COL27A1: variants seen among roughly 807,000 people sequenced by gnomAD.
COL27A1 encodes the protein collagen type XXVII alpha 1 chain.
A neutral mutation model predicts 251.3 loss-of-function variants in COL27A1; 106 were observed. The observed-to-expected ratio is 0.42, with a 90% confidence interval of 0.36 to 0.50. COL27A1 has a LOEUF of 0.50. Among genes scored for constraint, COL27A1 ranks in the 20% least tolerant of loss-of-function variants. COL27A1 has a pLI of 0.00. For missense variants in COL27A1, 2,325 were observed against 2,522.8 expected (o/e 0.92, Z 1.68); for synonymous variants, 1,000 against 986.3 (o/e 1.01, Z -0.26).
chr9:114,187,422 C>T (rs1828438264), intron 5 of COL27A1, among the ~76,000 whole-genome samples: 1 of 152,282 alleles, frequency 6.6e-6, no homozygotes, highest in African/African-American at 2.4e-5. Context: ...GGGCCAGGCC[C>T]CGGCCAAGAG....
chr9:114,269,872 C>G (rs139704612), intron 35 of COL27A1, among the ~76,000 whole-genome samples: 6 of 152,286 alleles, frequency 3.9e-5, no homozygotes, highest in African/African-American at 1.4e-4. Flanking sequence ...CTGCACCTGA[C>G]GGCCCCTGAG....
rs754184961 is a variant in COL27A1 at position 114,169,249 on chromosome 9, A to T, written c.1694A>T (p.Asp565Val). The T allele has an allele frequency of 5.6e-6, 9 of 1,613,642 alleles. No homozygotes were observed. Among genetic ancestry groups the T allele is most frequent in the Middle Eastern group, 1.7e-4 (1 of 6,060 alleles). ...CTCAGACCTGGGAAGGCAGCCAGGGATGTCCCCTTGAGCGATCTGACAACC... is the reference window on the plus strand; with the variant it reads ...CTCAGACCTGGGAAGGCAGCCAGGGTTGTCCCCTTGAGCGATCTGACAACC... Reference protein sequence around the residue: ...VPLRPGKAARDVPLSDLTTRP... With the variant: ...VPLRPGKAARVVPLSDLTTRP... The change falls in exon 3 of 61, where the codon GAT (aspartate) becomes GTT (valine). Residue 565 changes from aspartate to valine, a missense_variant. Physicochemically the swap from Asp to Val is radical, Grantham distance 152 (BLOSUM62 -3). Coordinates refer to ENST00000356083, the MANE Select transcript of COL27A1 (RefSeq NM_032888.4).
chr9:114,262,984 G>C (rs1834456697), intron 28 of COL27A1, among the ~76,000 whole-genome samples: 1 of 127,148 alleles, frequency 7.9e-6, no homozygotes, highest in East Asian at 2.3e-4. Context: ...TGTCGCCCAG[G>C]GTGGAGTGCA....
At chr9:114,247,277 G>A (rs1833206160) in intron 24 of COL27A1, among the ~76,000 whole-genome samples, 1 of 152,298 alleles carries the variant, frequency 6.6e-6, no homozygotes, top group African/African-American at 2.4e-5. Flanking sequence ...GATCTCTGCA[G>A]CAATGATTGT....
At chr9:114,223,485 G>A (rs1408439111) in intron 14 of COL27A1, among the ~76,000 whole-genome samples, 1 of 152,134 alleles carries the variant, frequency 6.6e-6, no homozygotes, top group Non-Finnish European at 1.5e-5. Context: ...GGTGGGGTGG[G>A]CAGGAGGTGA....
In COL27A1 at chr9:114,301,468, TG is replaced by T; in HGVS notation, c.4809+9del. ...AGGGATTGCAAGGTCCGAGGGTGAGTGGGCTGGGCATGAGGGCTGTGGGGCG... is the reference window on the plus strand; with the variant it reads ...AGGGATTGCAAGGTCCGAGGGTGAGTGGCTGGGCATGAGGGCTGTGGGGCG... On this transcript the variant is annotated splice_region_variant and intron_variant, in intron 54 of 60. Transcript: ENST00000356083. 1 of 1,297,114 alleles carries T rather than the reference TG, an allele frequency of 7.7e-7. No homozygotes were observed. Among genetic ancestry groups the T allele is most frequent in the Non-Finnish European group, 1.0e-6 (1 of 966,270 alleles). The allele number at this position is 1,297,114 out of a possible 1,614,324, so 80.4% of individuals were successfully genotyped here. A position where few individuals can be genotyped will look rare whatever the true frequency, so the allele number is the denominator to read the frequency against.
chr9:114,296,191 A>C (rs1451230139), intron 49 of COL27A1, among the ~76,000 whole-genome samples: 1 of 152,256 alleles, frequency 6.6e-6, no homozygotes, highest in East Asian at 1.9e-4. Flanking sequence ...CCAGAAAAGA[A>C]AATGTGATAA....
rs569889383 is a variant in COL27A1, at chr9:114,308,536, C to T, written c.5218-724C>T. ...TCATGTGCCAGGCCCTGAGCCAGGA[C>T]GGGGAGGTCAGACTCGAAACTCCCC... On this transcript the variant is annotated intron_variant, in intron 59 of 60. Transcript: ENST00000356083. Among the ~76,000 whole-genome samples the T allele has an allele frequency of 1.4e-4, 22 of 152,168 alleles. 1 individual carries two copies. Among genetic ancestry groups the T allele is most frequent in the South Asian group, 6.2e-4 (3 of 4,822 alleles).
chr9:114,190,702 A>G (rs1828696504), intron 5 of COL27A1, among the ~76,000 whole-genome samples: 1 of 152,108 alleles, frequency 6.6e-6, no homozygotes, highest in South Asian at 2.1e-4. Flanking sequence ...CATTCCTGCT[A>G]TGTTCTTGGC....
chr9:114,175,125 G>T (rs1342852127), intron 3 of COL27A1, among the ~76,000 whole-genome samples: 1 of 152,282 alleles, frequency 6.6e-6, no homozygotes, highest in Non-Finnish European at 1.5e-5. Flanking sequence ...GCTGTCAGAG[G>T]CCAGGACCCT....
At chr9:114,185,157 T>C (rs1828244448) in intron 5 of COL27A1, among the ~76,000 whole-genome samples, 1 of 152,132 alleles carries the variant, frequency 6.6e-6, no homozygotes, top group Non-Finnish European at 1.5e-5. Flanking sequence ...ACACATCTCT[T>C]AGTATGACCA....
chr9:114,255,663 C>T (rs1833868360), intron 27 of COL27A1, among the ~76,000 whole-genome samples: 1 of 152,126 alleles, frequency 6.6e-6, no homozygotes, highest in Non-Finnish European at 1.5e-5. Flanking sequence ...TTGGCTCAGG[C>T]TTGGTGAAAT....
chr9:114,293,901 G>C (rs916696688), intron 49 of COL27A1, among the ~76,000 whole-genome samples: 2 of 151,990 alleles, frequency 1.3e-5, no homozygotes, highest in African/African-American at 4.8e-5. Flanking sequence ...GGAAACTCTG[G>C]GCCCAGATGG....
intron 8 of COL27A1, 29 bp downstream of exon 8, chr9:114,205,175 G>A: frequency 6.2e-7 from 1 of 1,605,868 alleles, no homozygotes; most frequent in Non-Finnish European, 8.5e-7. Flanking sequence ...GCCCTGCCCT[G>A]GTCGCTCTCC....
At chr9:114,225,318 T>A (rs1564491046) in intron 14 of COL27A1, among the ~76,000 whole-genome samples, 1 of 152,236 alleles carries the variant, frequency 6.6e-6, no homozygotes, top group East Asian at 1.9e-4. Context: ...CTTTCTGCAT[T>A]TCATGGTACC....
At chr9:114,286,875 C>T (rs78591197) in intron 41 of COL27A1, among the ~76,000 whole-genome samples, 3,182 of 152,286 alleles carry the variant, frequency 0.021, 53 homozygotes, top group Non-Finnish European at 0.035. Context: ...CTCTCAGTTT[C>T]CCATCTTTAA....
At position 114,306,560 on chromosome 9, in the gene COL27A1, G is replaced by C; in HGVS notation, c.4979G>C (p.Gly1660Ala). The change falls in exon 58 of 61, where the codon GGA (glycine) becomes GCA (alanine). Residue 1660 changes from glycine to alanine, a missense_variant. By Grantham distance (60) the Gly-to-Ala change is moderately conservative. Coordinates refer to ENST00000356083, the MANE Select transcript of COL27A1 (RefSeq NM_032888.4). Reference sequence around the variant, plus strand: ...GACCGGCTGGTGCTGGACCAGGGAGGAGAGATCTTTAAAACCTTACACTAC... The same window carrying C: ...GACCGGCTGGTGCTGGACCAGGGAGCAGAGATCTTTAAAACCTTACACTAC... ...YPDRLVLDQGGEIFKTLHYLS... is the reference protein window; with the variant it reads ...YPDRLVLDQGAEIFKTLHYLS... 1 of 1,614,074 alleles carries C rather than the reference G, an allele frequency of 6.2e-7. No homozygotes were observed.
At chr9:114,303,603 T>C (rs1343031892) in intron 56 of COL27A1, among the ~76,000 whole-genome samples, 6 of 152,186 alleles carry the variant, frequency 3.9e-5, no homozygotes, top group Non-Finnish European at 7.4e-5. Flanking sequence ...GAAGTTTTAT[T>C]ATCAGGTCCA....
intron 12 of COL27A1, among the ~76,000 whole-genome samples, chr9:114,218,914 G>A (rs571503365): frequency 1.3e-5 from 2 of 151,310 alleles, no homozygotes; most frequent in Non-Finnish European, 2.9e-5. Flanking sequence ...TTGAATCATA[G>A]CCCCAGCATT....
Sources: allele counts gnomAD v4.1 joint callset (sites outside exome capture counted in the v4.1 genomes callset), GRCh38; gene constraint gnomAD v4.1.1; transcripts MANE v1.5; gene names NCBI Gene and HGNC (gene_info 2026-07-23, HGNC 2026-07-21).